The following DHX34 variants were observed in gnomAD, a reference collection of about 807,000 sequenced individuals.
DHX34 encodes the protein DExH-box helicase 34.
A neutral mutation model predicts 111.1 loss-of-function variants in DHX34; 96 were observed. The ratio of observed to expected loss-of-function variants is 0.86; its 90% confidence interval spans 0.73 to 1.02. DHX34 has a LOEUF of 1.02. Among genes scored for constraint, DHX34 ranks in the 50% least tolerant of loss-of-function variants. The pLI is 0.00. For missense variants in DHX34, 1,560 were observed against 1,579.9 expected (o/e 0.99, Z 0.21); for synonymous variants, 688 against 670.4 (o/e 1.03, Z -0.41).
rs558736946 is a variant in DHX34 at position 47,372,713 on chromosome 19, C to T, written c.1769-17C>T. ...TCCTGGCACCCAGGAGCCTCAACCCCGTGTCCGCCGCTGCAGGGAAGATGC... is the reference window on the plus strand; with the variant it reads ...TCCTGGCACCCAGGAGCCTCAACCCTGTGTCCGCCGCTGCAGGGAAGATGC... On this transcript the variant is annotated splice_polypyrimidine_tract_variant and intron_variant, in intron 7 of 16. Transcript: ENST00000328771. 120 of 1,563,526 alleles carry T rather than the reference C, an allele frequency of 7.7e-5. 1 individual carries two copies. The South Asian group carries it at 1.3e-3, about 17-fold the overall frequency.
rs1408678959 is a variant in DHX34, at chr19:47,372,195, C to T, written c.1769-535C>T. Among the ~76,000 whole-genome samples, 6 of 151,930 alleles carry T rather than the reference C, an allele frequency of 3.9e-5. No homozygotes were observed. The South Asian group carries it at 6.3e-4, about 16-fold the overall frequency. ...ATGTCTTCGCCTTCTGTCCCCTCTT[C>T]CTCTTCCACTTCCACCTTGACCTAA... is the stretch of plus-strand genomic sequence containing the variant. On this transcript the variant is annotated intron_variant, in intron 7 of 16. Transcript: ENST00000328771.
chr19:47,370,049 T>C (rs535697308), intron 7 of DHX34, among the ~76,000 whole-genome samples: 1 of 152,212 alleles, frequency 6.6e-6, no homozygotes, highest in African/African-American at 2.4e-5. Context: ...CTGTCGTTCT[T>C]GTGTGCACCG....
chr19:47,380,919 G>C lies in DHX34; in HGVS notation c.3086G>C (p.Ser1029Thr), dbSNP rs753810064. 7 of 1,612,238 alleles carry C rather than the reference G, an allele frequency of 4.3e-6. No homozygotes were observed. Among genetic ancestry groups the C allele is most frequent in the Non-Finnish European group, 5.9e-6 (7 of 1,179,188 alleles). ...ATPHLPGLFGSSTLSPHPTKG... is the reference protein window; with the variant it reads ...ATPHLPGLFGTSTLSPHPTKG... ...CCCCATCTTCCTGGCCTCTTTGGCA[G>C]CTCCACCCTGTCCCCCCACCCCACA... is the stretch of plus-strand genomic sequence containing the variant. Residue 1029 changes from serine to threonine, a missense_variant, in exon 15 of 17, where the codon AGC becomes ACC. Physicochemically the swap from Ser to Thr is moderately conservative, Grantham distance 58. Transcript: ENST00000328771.
intron 9 of DHX34, 136 bp from the exon 10 acceptor site, chr19:47,375,330 C>G: frequency 7.0e-7 from 1 of 1,422,040 alleles, no homozygotes. Context: ...CGATCCATGC[C>G]CAGCACCATG....
At chr19:47,360,757 C>T (rs894627303) in intron 5 of DHX34, among the ~76,000 whole-genome samples, 1 of 151,906 alleles carries the variant, frequency 6.6e-6, no homozygotes. Context: ...GTGCAAGCTC[C>T]GCCTCCCGGG....
At position 47,375,655 on chromosome 19, in the gene DHX34, G is replaced by C; in HGVS notation, c.2254G>C (p.Glu752Gln). Residue 752 changes from glutamate to glutamine, a missense_variant, in exon 10 of 17, where the codon GAG (glutamate) becomes CAG (glutamine). Coordinates refer to ENST00000328771, the MANE Select transcript of DHX34 (RefSeq NM_014681.6). ...QEEQDGGSSD[E>Q]DRAGPAPPGA... ...GGAGCAGGACGGCGGCTCCAGTGAC[G>C]AGGACAGGGCTGGCCCAGCCCCCCC... 2 of 1,557,266 alleles carry C rather than the reference G, an allele frequency of 1.3e-6. No homozygotes were observed. The highest frequency in any genetic ancestry group is 2.7e-5 in the African/African-American group (2 of 73,762).
At chr19:47,372,042 T>C (rs1969979350) in intron 7 of DHX34, among the ~76,000 whole-genome samples, 1 of 150,318 alleles carries the variant, frequency 6.7e-6, no homozygotes, top group Non-Finnish European at 1.5e-5. Flanking sequence ...GGAGACAGGG[T>C]TCACCTGTCT....
intron 9 of DHX34, among the ~76,000 whole-genome samples, chr19:47,374,717 T>A (rs755326): frequency 0.099 from 15,070 of 152,142 alleles, 1,026 homozygotes; most frequent in African/African-American, 0.19. Flanking sequence ...GATGCCCCGA[T>A]TGCTCTGAGC....
At position 47,357,924 on chromosome 19, in the gene DHX34, C is replaced by G. The variant is rs745463102; in HGVS notation, c.1076C>G (p.Pro359Arg). 6.2e-7 allele frequency: 1 copy of G among 1,614,000 alleles called. No individual in the cohort carries two copies. Among genetic ancestry groups the G allele is most frequent in the Middle Eastern group, 1.6e-4 (1 of 6,062 alleles). The change falls in exon 4 of 17, where the codon CCG becomes CGG. Residue 359 changes from proline (P) to arginine (R), a missense_variant. Physicochemically the swap from Pro to Arg is moderately radical, Grantham distance 103 (BLOSUM62 -2). Coordinates refer to ENST00000328771, the MANE Select transcript of DHX34 (RefSeq NM_014681.6). ...PTTSKSEKLDPRPFLRVLESI... is the reference protein window; with the variant it reads ...PTTSKSEKLDRRPFLRVLESI... ...ACGTCCAAGTCAGAGAAGCTGGACCCGCGGCCTTTCCTGAGGGTGCTGGAG... is the reference window on the plus strand; with the variant it reads ...ACGTCCAAGTCAGAGAAGCTGGACCGGCGGCCTTTCCTGAGGGTGCTGGAG...
At chr19:47,351,165 CTTTTTCTTTTTTTT>C (rs1282102190) in intron 1 of DHX34, among the ~76,000 whole-genome samples, 1 of 128,122 alleles carries the variant, frequency 7.8e-6, no homozygotes, top group Non-Finnish European at 1.7e-5. Flanking sequence ...CTCTCATTTT[CTTTTTCTTTTTTTT>C]TTTTTTTTTT....
In DHX34 at chr19:47,357,868, T is replaced by G; in HGVS notation, c.1020T>G (p.Val340=). The change falls in exon 4 of 17, where the codon GTT becomes GTG. Residue 340 remains valine, a splice_region_variant and synonymous_variant. Coordinates refer to ENST00000328771, the MANE Select transcript of DHX34 (RefSeq NM_014681.6). ...QVPGRLFPIT[V]VYQPQEAEPT... is the part of the protein sequence containing the mutation. ...TACCTGGGGCTGTCTCCTCTCAGGT[T>G]GTGTACCAGCCGCAGGAGGCGGAGC... The G allele has an allele frequency of 6.2e-7, 1 of 1,612,164 alleles. No homozygotes were observed. Among genetic ancestry groups the G allele is most frequent in the Non-Finnish European group, 8.5e-7 (1 of 1,178,930 alleles).
chr19:47,382,367 G>A lies in DHX34; in HGVS notation c.*254G>A. The A allele has an allele frequency of 3.4e-6, 2 of 589,166 alleles. No individual in the cohort carries two copies. The highest frequency in any genetic ancestry group is 2.7e-6 in the Non-Finnish European group (1 of 364,190). The allele number at this position is 589,166 out of a possible 1,614,324, so 36.5% of individuals were successfully genotyped here. On this transcript the variant is annotated 3_prime_UTR_variant, in exon 17 of 17. Transcript: ENST00000328771. ...GGGTCTAGCTTTCCTTCTTCCTGCTGCAGGGTGCTGCCTGAGGGGTCCTGG... is the reference window on the plus strand; with the variant it reads ...GGGTCTAGCTTTCCTTCTTCCTGCTACAGGGTGCTGCCTGAGGGGTCCTGG...
chr19:47,370,754 G>A, intron 7 of DHX34, among the ~76,000 whole-genome samples: 1 of 152,134 alleles, frequency 6.6e-6, no homozygotes. Context: ...TTGGCTCACT[G>A]CAACCTCCAC....
rs74532891 is a variant in DHX34, at chr19:47,362,796, C to T, written c.1593+103C>T. On this transcript the variant is annotated intron_variant, in intron 6 of 16. Transcript: ENST00000328771. ...TTTATTTTATTTTATTTTGAGATAG[C>T]GTCTTGCTCTGTCACTCAGGCTAGA... is the stretch of plus-strand genomic sequence containing the variant. 2.0e-3 allele frequency: 2,237 copies of T among 1,115,414 alleles called. 36 individuals carry two copies. The African/African-American group carries it at 0.033, about 16-fold the overall frequency. The allele number at this position is 1,115,414 out of a possible 1,614,324, so 69.1% of individuals were successfully genotyped here.
intron 3 of DHX34, among the ~76,000 whole-genome samples, chr19:47,355,865 A>T (rs955532947): frequency 2.0e-5 from 3 of 151,468 alleles, no homozygotes; most frequent in African/African-American, 7.3e-5. Context: ...AAAAAAAAAG[A>T]CCCAAAAATG....
At chr19:47,381,125 G>A (rs1183434744) in intron 15 of DHX34, 61 bp from the exon 16 acceptor site, 17 of 1,601,400 alleles carry the variant, frequency 1.1e-5, no homozygotes, top group Non-Finnish European at 1.4e-5. Context: ...GTCCCGGGGG[G>A]GCACTTGGGT....
At chr19:47,380,780 T>G (rs1599780214) in intron 14 of DHX34, 36 bp from the exon 15 acceptor site, 6 of 1,612,226 alleles carry the variant, frequency 3.7e-6, no homozygotes, top group Non-Finnish European at 5.1e-6. Context: ...TCTCCCTGAG[T>G]CTGTCTCTCT....
At chr19:47,359,859 A>AGGAAAGGGTTCCCT (rs1377178986) in intron 4 of DHX34, 109 bp from the exon 5 acceptor site, 2 of 1,574,358 alleles carry the variant, frequency 1.3e-6, no homozygotes. Flanking sequence ...TCTCTGAAGG[A>AGGAAAGGGTTCCCT]GGAAAGGGTT....
At chr19:47,375,284 C>T (rs888700915) in intron 9 of DHX34, 182 bp from the exon 10 acceptor site, 1 of 985,456 alleles carries the variant, frequency 1.0e-6, no homozygotes, top group Non-Finnish European at 1.2e-6. Context: ...GTGTTCCCTC[C>T]ACTGACCAGC....
Sources: allele counts gnomAD v4.1 joint callset (sites outside exome capture counted in the v4.1 genomes callset), GRCh38; gene constraint gnomAD v4.1.1; transcripts MANE v1.5; gene names NCBI Gene and HGNC (gene_info 2026-07-23, HGNC 2026-07-21).